Variants in ADCY3 observed in about 807,000 individuals in gnomAD.
ADCY3 encodes adenylate cyclase 3.
A neutral mutation model predicts 119.4 loss-of-function variants in ADCY3; 70 were observed. That is an observed-to-expected ratio of 0.59 (90% CI 0.48 to 0.72). ADCY3 has a LOEUF of 0.72. ADCY3 is among the 30% of genes least tolerant of loss of function. The pLI, the probability that ADCY3 is intolerant of heterozygous loss-of-function variation, is 0.00. For missense variants in ADCY3, 1,238 were observed against 1,541.6 expected, an observed-to-expected ratio of 0.80 and a Z score of 3.30; for synonymous variants, 672 against 621.4, an observed-to-expected ratio of 1.08 and a Z score of -1.21.
At position 24,919,015 on chromosome 2, in the gene ADCY3, G is replaced by A. The variant is rs1192061214; in HGVS notation, c.-28C>T. The stretch of plus-strand genomic sequence containing the variant: ...TGGCTGGTGTCTGCTACTGGCCCTA[G>A]AGAAGTGGACTGGGAACGGAGGAAG... On this transcript the variant is annotated 5_prime_UTR_variant, in exon 2 of 22. Transcript: ENST00000679454. This position sits in a 1 kb window ranked among gnomAD's most constrained non-coding sequence, Gnocchi z 5.5. 2.0e-6 allele frequency: 3 copies of A among 1,522,858 alleles called. No individual in the cohort carries two copies. Among genetic ancestry groups the A allele is most frequent in the South Asian group, 1.2e-5 (1 of 81,648 alleles). The allele number at this position is 1,522,858 out of a possible 1,614,324, so 94.3% of individuals were successfully genotyped here.
At chr2:24,847,007 G>A (rs1266728261) in intron 3 of ADCY3, among the ~76,000 whole-genome samples, 1 of 152,146 alleles carries the variant, frequency 6.6e-6, no homozygotes, top group Non-Finnish European at 1.5e-5. Flanking sequence ...AGGTATGGTT[G>A]GTTTTGAAAT....
At chr2:24,832,400 G>A (rs965953858) in intron 11 of ADCY3, among the ~76,000 whole-genome samples, 4 of 152,136 alleles carry the variant, frequency 2.6e-5, no homozygotes, top group Admixed American at 2.6e-4. Flanking sequence ...CTCCCTCGCT[G>A]CCGGGGGCTA....
At chr2:24,883,121 G>A (rs1034064153) in intron 2 of ADCY3, among the ~76,000 whole-genome samples, 7 of 151,932 alleles carry the variant, frequency 4.6e-5, no homozygotes, top group Non-Finnish European at 5.9e-5. Context: ...AGGCAGAGGC[G>A]GGCAGATCAC....
chr2:24,822,683 C>G, intron 18 of ADCY3, 53 bp from the exon 19 acceptor site: 1 of 1,599,758 alleles, frequency 6.3e-7, no homozygotes, highest in Admixed American at 1.7e-5. Context: ...GAGGAATGAC[C>G]CAACCCAGTG....
At chr2:24,892,119 T>A (rs985468145) in intron 2 of ADCY3, among the ~76,000 whole-genome samples, 4 of 152,210 alleles carry the variant, frequency 2.6e-5, no homozygotes, top group African/African-American at 9.6e-5. Context: ...CTCTTGTGAT[T>A]TTTTTCCTTC....
Position 24,838,532 on chromosome 2 carries a change from T to C in ADCY3, c.1446A>G (p.Leu482=). ...GGTAGGTTTCAATACCCTTCTCTTCTAGGTAATCACAGCGGCTGCCCCCAT... is the reference window on the plus strand; with the variant it reads ...GGTAGGTTTCAATACCCTTCTCTTCCAGGTAATCACAGCGGCTGCCCCCAT... ...PGDGGSRCDY[L]EEKGIETYLI... Residue 482 remains leucine (L), a synonymous_variant, in exon 8 of 22, where the codon CTA becomes CTG. Transcript: ENST00000679454. 1 of 1,614,170 alleles carries C rather than the reference T, an allele frequency of 6.2e-7. No homozygotes were observed. The highest frequency in any genetic ancestry group is 8.5e-7 in the Non-Finnish European group (1 of 1,180,034).
Position 24,834,461 on chromosome 2 carries a change from G to T in ADCY3, c.1967+24C>A, listed in dbSNP as rs756060983. The T allele has an allele frequency of 1.9e-6, 3 of 1,546,840 alleles. No individual in the cohort carries two copies. Among genetic ancestry groups the T allele is most frequent in the African/African-American group, 1.4e-5 (1 of 73,024 alleles). Reference sequence around the variant, plus strand: ...CACCACCGCAGCCGAGGAAACTCGTGGCCCTCCCCGGCCCCTCCCTCACCA... The same window carrying T: ...CACCACCGCAGCCGAGGAAACTCGTTGCCCTCCCCGGCCCCTCCCTCACCA... On this transcript the variant is annotated intron_variant, in intron 11 of 21. Transcript: ENST00000679454. This position sits in a 1 kb window ranked among gnomAD's most constrained non-coding sequence, Gnocchi z 4.2.
At chr2:24,830,153 G>A (rs1255259537) in intron 13 of ADCY3, among the ~76,000 whole-genome samples, 1 of 148,962 alleles carries the variant, frequency 6.7e-6, no homozygotes, top group Non-Finnish European at 1.5e-5. Context: ...CGATTCTCCT[G>A]CTTCAGCCTC....
At chr2:24,905,274 C>T (rs925011956) in intron 2 of ADCY3, among the ~76,000 whole-genome samples, 2 of 152,038 alleles carry the variant, frequency 1.3e-5, no homozygotes, top group Non-Finnish European at 1.5e-5. Context: ...GCTGGGACTA[C>T]AGGCACCCAC....
intron 3 of ADCY3, among the ~76,000 whole-genome samples, chr2:24,850,880 A>G (rs1305309936): frequency 6.6e-6 from 1 of 152,124 alleles, no homozygotes; most frequent in African/African-American, 2.4e-5. Flanking sequence ...GCGGGACAAA[A>G]TTGTGTTCTG....
At chr2:24,917,231 C>G (rs576963511) in intron 2 of ADCY3, among the ~76,000 whole-genome samples, 79 of 152,226 alleles carry the variant, frequency 5.2e-4, no homozygotes, top group Admixed American at 1.2e-3. Flanking sequence ...ATTCTGGGCA[C>G]GCCCTGCCTC....
chr2:24,820,593 T>A (rs1182978519), intron 21 of ADCY3, 131 bp downstream of exon 21: 3 of 1,482,680 alleles, frequency 2.0e-6, no homozygotes, highest in South Asian at 1.4e-5. Context: ...CTTTTCCACT[T>A]GCCCCACGTC....
chr2:24,906,976 C>T (rs550966279), intron 2 of ADCY3, among the ~76,000 whole-genome samples: 2 of 152,166 alleles, frequency 1.3e-5, no homozygotes, highest in South Asian at 2.1e-4. Flanking sequence ...ACTAAAAATA[C>T]AAAAATTAGC....
Position 24,819,969 on chromosome 2 carries a change from G to A in ADCY3, c.3398C>T (p.Ser1133Phe). The A allele has an allele frequency of 6.2e-7, 1 of 1,613,934 alleles. No homozygotes were observed. The highest frequency in any genetic ancestry group is 2.2e-5 in the East Asian group (1 of 44,846). The stretch of plus-strand genomic sequence containing the variant: ...CACCACCTGGTGGGGCAGTGTGACA[G>A]AGGGGCCATTGGGGAAGGTGGCTAG... ...DKLATFPNGP[S>F]VTLPHQVVDN... is the part of the protein sequence containing the mutation. The change falls in exon 22 of 22, where the codon TCT (serine) becomes TTT (phenylalanine). Residue 1133 changes from serine (S) to phenylalanine (F), a missense_variant. Physicochemically the swap from Ser to Phe is radical, Grantham distance 155. Transcript: ENST00000679454.
intron 21 of ADCY3, chr2:24,820,336 A>C: frequency 3.0e-6 from 4 of 1,324,224 alleles, no homozygotes; most frequent in Non-Finnish European, 2.9e-6. Flanking sequence ...TCATCCAGAG[A>C]CTTCTCTCCT....
At position 24,834,423 on chromosome 2, in the gene ADCY3, G is replaced by GC. The variant is rs980078954; in HGVS notation, c.1967+61dup. On this transcript the variant is annotated intron_variant, in intron 11 of 21. Transcript: ENST00000679454. This position sits in a 1 kb window ranked among gnomAD's most constrained non-coding sequence, Gnocchi z 4.2. ...GGCTCCCGCTGAGACACCTGCCCCC[G>GC]CCCCCCGCCCGGCACCACCGCAGCC... 4.3e-6 allele frequency: 6 copies of GC among 1,388,738 alleles called. No homozygotes were observed. Among genetic ancestry groups the GC allele is most frequent in the East Asian group, 2.5e-5 (1 of 39,508 alleles). The allele number at this position is 1,388,738 out of a possible 1,614,324, so 86.0% of individuals were successfully genotyped here. A position where few individuals can be genotyped will look rare whatever the true frequency, so the allele number is the denominator to read the frequency against.
rs572940431 is a variant in ADCY3 at position 24,883,087 on chromosome 2, A to G, written c.676-10368T>C. Among the ~76,000 whole-genome samples the G allele has an allele frequency of 2.7e-5, 4 of 149,880 alleles. No homozygotes were observed. In the South Asian group the frequency reaches 8.5e-4, roughly 32 times the overall value. On this transcript the variant is annotated intron_variant, in intron 2 of 21. Transcript: ENST00000679454. Reference sequence around the variant, plus strand: ...AAAAAGGGCCAGGCGCGGTGGCTCAAGCCTGTAATCCCAACACTTTGGGAG... The same window carrying G: ...AAAAAGGGCCAGGCGCGGTGGCTCAGGCCTGTAATCCCAACACTTTGGGAG...
Position 24,899,669 on chromosome 2 carries a change from T to G in ADCY3, c.675+18644A>C, listed in dbSNP as rs1291214310. 6.6e-6 allele frequency among the ~76,000 whole-genome samples: 1 copy of G among 152,188 alleles called. No individual in the cohort carries two copies. Among genetic ancestry groups the G allele is most frequent in the East Asian group, 1.9e-4 (1 of 5,192 alleles). ...CAGACGGCAGAGGCATCTCATCCCC[T>G]TGAGAGGAAACTACAGTTACCATAG... On this transcript the variant is annotated intron_variant, in intron 2 of 21. Transcript: ENST00000679454. The surrounding 1 kb of genome is among the most constrained non-coding windows in gnomAD (Gnocchi z 4.5).
intron 17 of ADCY3, 43 bp downstream of exon 17, chr2:24,824,335 G>A (rs769208518): frequency 1.9e-6 from 3 of 1,602,318 alleles, no homozygotes; most frequent in East Asian, 2.2e-5. Flanking sequence ...AACAGATGGA[G>A]ACAAATGGCC....
Sources: allele counts gnomAD v4.1 joint callset (sites outside exome capture counted in the v4.1 genomes callset), GRCh38; gene constraint gnomAD v4.1.1; non-coding constraint Gnocchi (gnomAD v3.1); transcripts MANE v1.5; gene names NCBI Gene and HGNC (gene_info 2026-07-23, HGNC 2026-07-21).